CAMTA1: variants seen among roughly 807,000 people sequenced by gnomAD.
CAMTA1 encodes the protein calmodulin binding transcription activator 1, also known as calmodulin-binding transcription activator 1.
Under a neutral mutation model 170.9 loss-of-function variants are expected in CAMTA1, and 27 were observed. The observed-to-expected ratio is 0.16, with a 90% CI of 0.12 to 0.22. The LOEUF (loss-of-function observed/expected upper bound fraction) is 0.22. Ranked by LOEUF, CAMTA1 falls within the 10% of genes least tolerant of loss-of-function variation. The pLI, the probability that CAMTA1 is intolerant of heterozygous loss-of-function variation, is 1.00. For missense variants in CAMTA1, 1,619 were observed against 2,217.2 expected (o/e 0.73, Z 5.42); for synonymous variants, 833 against 891.5 (o/e 0.93, Z 1.17).
chr1:7,741,249 T>C (rs926432472), intron 16 of CAMTA1, among the ~76,000 whole-genome samples: 1 of 152,054 alleles, frequency 6.6e-6, no homozygotes, highest in African/African-American at 2.4e-5. Context: ...AGATGTGCGC[T>C]GGATAGGCTG....
chr1:6,852,113 T>G (rs1232874912), intron 3 of CAMTA1, among the ~76,000 whole-genome samples: 1 of 151,952 alleles, frequency 6.6e-6, no homozygotes, highest in Non-Finnish European at 1.5e-5. Context: ...TAGTGCATCC[T>G]TCTCAGAAGG....
chr1:7,606,454 T>G (rs2095487531), intron 6 of CAMTA1, among the ~76,000 whole-genome samples: 1 of 152,234 alleles, frequency 6.6e-6, no homozygotes, highest in South Asian at 2.1e-4. Flanking sequence ...GTGGCCTATA[T>G]CTACAGCTGA....
chr1:7,768,218 CAA>C lies in CAMTA1; in HGVS notation c.*1737_*1738del, dbSNP rs35695415. On this transcript the variant is annotated 3_prime_UTR_variant, in exon 23 of 23. Transcript: ENST00000303635. ...AATCAGAAAATATAATAAAATTGCA[CAA>C]AAAAAAAAATGAAAAAGATGCAGAC... 0.026 allele frequency: 3,860 copies of C among 149,802 alleles called. 82 individuals carry two copies. Among genetic ancestry groups the C allele is most frequent in the Middle Eastern group, 0.045 (13 of 286 alleles). The allele number at this position is 149,802 out of a possible 1,614,324, so 9.3% of individuals were successfully genotyped here. A position where few individuals can be genotyped will look rare whatever the true frequency, so the allele number is the denominator to read the frequency against.
At chr1:7,542,842 TGTGTGTGTGTG>T (rs2094631962) in intron 6 of CAMTA1, among the ~76,000 whole-genome samples, 1 of 110,268 alleles carries the variant, frequency 9.1e-6, no homozygotes, top group African/African-American at 3.8e-5. Context: ...AAACACAGTG[TGTGTGTGTGTG>T]TGTGTGTGTG....
chr1:7,765,941 T>G (rs1047074647), intron 22 of CAMTA1, among the ~76,000 whole-genome samples: 1 of 149,974 alleles, frequency 6.7e-6, no homozygotes, highest in East Asian at 2.0e-4. Context: ...GCAGGAGAAT[T>G]GCGTGAACCC....
At chr1:7,626,215 G>C (rs1180048662) in intron 6 of CAMTA1, among the ~76,000 whole-genome samples, 1 of 152,170 alleles carries the variant, frequency 6.6e-6, no homozygotes, top group Non-Finnish European at 1.5e-5. Flanking sequence ...ACAGATGCCA[G>C]AGCATAAAAA....
chr1:7,439,441 T>TCCAG (rs1013535187), intron 5 of CAMTA1, among the ~76,000 whole-genome samples: 1 of 152,094 alleles, frequency 6.6e-6, no homozygotes, highest in Non-Finnish European at 1.5e-5. Flanking sequence ...CGTCTCCCGG[T>TCCAG]CCAGCCCCCA....
rs79544234 is a variant in CAMTA1 at position 7,567,836 on chromosome 1, C to T, written c.511-72564C>T. On this transcript the variant is annotated intron_variant, in intron 6 of 22. Transcript: ENST00000303635. ...CATTGAAAGGTGAAGAGAGAAAACT[C>T]CGGTCCCAAACAAACTGAGATCACA... Among the ~76,000 whole-genome samples the T allele has an allele frequency of 2.8e-3, 426 of 152,302 alleles. 1 individual carries two copies. Among genetic ancestry groups the T allele is most frequent in the African/African-American group, 9.5e-3 (394 of 41,548 alleles).
Position 7,155,299 on chromosome 1 carries a change from GCCCA to G in CAMTA1, c.302+63929_302+63932del, listed in dbSNP as rs1199466162. Among the ~76,000 whole-genome samples the G allele has an allele frequency of 4.6e-5, 7 of 151,768 alleles. No individual in the cohort carries two copies. In the East Asian group the frequency reaches 1.4e-3, roughly 30 times the overall value. ...TCAAAGCCTCGTCATGCCGGGCAGC[GCCCA>G]TCCCTGCCTACCTGTCCCTTTTGCT... On this transcript the variant is annotated intron_variant, in intron 4 of 22. Coordinates refer to ENST00000303635, the MANE Select transcript of CAMTA1 (RefSeq NM_015215.4).
intron 6 of CAMTA1, among the ~76,000 whole-genome samples, chr1:7,593,394 G>A (rs1219675260): frequency 2.0e-5 from 3 of 151,918 alleles, no homozygotes; most frequent in African/African-American, 7.3e-5. Context: ...ATCTAGATGC[G>A]TATCTAGATA....
chr1:7,517,615 A>G (rs965004176), intron 6 of CAMTA1, among the ~76,000 whole-genome samples: 1 of 150,412 alleles, frequency 6.6e-6, no homozygotes, highest in Non-Finnish European at 1.5e-5. Flanking sequence ...TGAAGTCTCA[A>G]GAAGGGTTGG....
chr1:7,527,074 C>T (rs1358607507), intron 6 of CAMTA1, among the ~76,000 whole-genome samples: 1 of 152,168 alleles, frequency 6.6e-6, no homozygotes, highest in African/African-American at 2.4e-5. Flanking sequence ...TGCTCCTCTC[C>T]CCTGTGAGGA....
chr1:7,332,155 T>C (rs2083074653), intron 5 of CAMTA1, among the ~76,000 whole-genome samples: 1 of 152,150 alleles, frequency 6.6e-6, no homozygotes, highest in South Asian at 2.1e-4. Flanking sequence ...GTGGGGCCTC[T>C]GAGGGGGCCC....
At chr1:6,932,595 G>GT (rs1684597866) in intron 3 of CAMTA1, among the ~76,000 whole-genome samples, 1 of 152,324 alleles carries the variant, frequency 6.6e-6, no homozygotes, top group African/African-American at 2.4e-5. Flanking sequence ...TGACCACGCT[G>GT]TTTTCTATCC....
At chr1:7,569,384 T>C (rs111161920) in intron 6 of CAMTA1, among the ~76,000 whole-genome samples, 6,565 of 142,510 alleles carry the variant, frequency 0.046, 504 homozygotes, top group African/African-American at 0.16. Context: ...ATCATCAACA[T>C]CACCATCATC....
intron 6 of CAMTA1, among the ~76,000 whole-genome samples, chr1:7,487,629 AGG>A (rs2093635150): frequency 6.6e-6 from 1 of 151,732 alleles, no homozygotes; most frequent in African/African-American, 2.4e-5. Flanking sequence ...GCTGAGGCTG[AGG>A]ATGCGGTGTC....
Position 7,732,409 on chromosome 1 carries a change from C to T in CAMTA1, c.2915-39C>T, listed in dbSNP as rs1252235725. On this transcript the variant is annotated intron_variant, in intron 11 of 22. Transcript: ENST00000303635. This position sits in a 1 kb window ranked among gnomAD's most constrained non-coding sequence, Gnocchi z 4.1. ...AGGCCACGTGTTGACTGCTTTTCTT[C>T]CAGAACACAACCTCACTCTTCCTCC... The T allele has an allele frequency of 1.3e-6, 2 of 1,593,078 alleles. No individual in the cohort carries two copies. The highest frequency in any genetic ancestry group is 3.3e-5 in the Admixed American group (2 of 59,782).
At chr1:7,200,240 T>C (rs1656403332) in intron 4 of CAMTA1, among the ~76,000 whole-genome samples, 1 of 152,242 alleles carries the variant, frequency 6.6e-6, no homozygotes, top group African/African-American at 2.4e-5. Flanking sequence ...TGAGAATAGA[T>C]TGAAGACATG....
In CAMTA1 at chr1:7,010,589, A is replaced by G. The variant is rs1699641143; in HGVS notation, c.235-80715A>G. On this transcript the variant is annotated intron_variant, in intron 3 of 22. Transcript: ENST00000303635. This position sits in a 1 kb window ranked among gnomAD's most constrained non-coding sequence, Gnocchi z 4.4. ...CTGACCAGCTGGGTGACGTTTCATT[A>G]TCCATAACATAGAGAAGATACTGAG... 6.6e-6 allele frequency among the ~76,000 whole-genome samples: 1 copy of G among 152,178 alleles called. No individual in the cohort carries two copies. The highest frequency in any genetic ancestry group is 2.1e-4 in the South Asian group (1 of 4,830).
Sources: gnomAD v4.1 joint callset for allele counts (sites outside exome capture counted in the v4.1 genomes callset) on GRCh38, gnomAD v4.1.1 for gene constraint, Gnocchi (gnomAD v3.1) non-coding constraint, MANE v1.5 for transcripts, NCBI Gene and HGNC (gene_info 2026-07-23, HGNC 2026-07-21) for gene names.